The following MTTP variants were observed in gnomAD, a reference collection of about 807,000 sequenced individuals.
MTTP encodes microsomal triglyceride transfer protein large subunit.
MTTP carries 49 observed loss-of-function variants against 90.6 expected under a neutral mutation model. That is an observed-to-expected ratio of 0.54 (90% confidence interval 0.43 to 0.69). The LOEUF is 0.69. Ranked by LOEUF, MTTP falls within the 30% of genes least tolerant of loss-of-function variation. MTTP has a pLI of 0.00. For synonymous variants in MTTP, 347 were observed against 384.2 expected (o/e 0.90, Z 1.13); for missense variants, 945 against 1,067.5 (o/e 0.89, Z 1.60).
intron 15 of MTTP, among the ~76,000 whole-genome samples, chr4:99,616,153 G>C (rs1726094282): frequency 1.3e-5 from 2 of 152,132 alleles, no homozygotes; most frequent in Non-Finnish European, 2.9e-5. Flanking sequence ...CAGCACTTTG[G>C]GTGGCCAAGG....
chr4:99,619,441 G>A (rs1726178197), intron 16 of MTTP, among the ~76,000 whole-genome samples: 1 of 151,988 alleles, frequency 6.6e-6, no homozygotes, highest in East Asian at 1.9e-4. Context: ...TGTCTTCAGT[G>A]GGGAAAAATA....
At chr4:99,572,426 T>C (rs907966187), upstream of MTTP, among the ~76,000 whole-genome samples, 9 of 151,982 alleles carry the variant, frequency 5.9e-5, no homozygotes, top group African/African-American at 2.2e-4. Context: ...AATCAATTTT[T>C]TTCTCACTCC....
At chr4:99,586,036 AT>A (rs1370928126) in intron 3 of MTTP, among the ~76,000 whole-genome samples, 2 of 152,134 alleles carry the variant, frequency 1.3e-5, no homozygotes, top group Non-Finnish European at 2.9e-5. Context: ...ACAGGCTCAA[AT>A]TAAGTTGTGC....
In MTTP at chr4:99,606,793, G is replaced by T. The variant is rs750641244; in HGVS notation, c.1390G>T (p.Ala464Ser). 1 of 1,613,826 alleles carries T rather than the reference G, an allele frequency of 6.2e-7. No homozygotes were observed. The highest frequency in any genetic ancestry group is 1.3e-5 in the African/African-American group (1 of 74,860). ...GTTAATCCTGGGAGGACTTGAAAAA[G>T]CAGAGAAAAAAGAGGACACCAGGAT... ...KKLILGGLEK[A>S]EKKEDTRMYL... The change falls in exon 11 of 18, where the codon GCA (alanine) becomes TCA (serine). Residue 464 changes from alanine (A) to serine (S), a missense_variant. Transcript: ENST00000265517.
intron 7 of MTTP, among the ~76,000 whole-genome samples, chr4:99,596,607 C>A (rs988311667): frequency 6.6e-6 from 1 of 152,034 alleles, no homozygotes; most frequent in Admixed American, 6.6e-5. Flanking sequence ...AGGGAGCTCA[C>A]CGAAAAATTG....
upstream of MTTP, among the ~76,000 whole-genome samples, chr4:99,569,943 G>T (rs1440147259): frequency 6.6e-6 from 1 of 151,584 alleles, no homozygotes; most frequent in African/African-American, 2.4e-5. Flanking sequence ...ATAATTTATT[G>T]AACTATTTTT....
At chr4:99,586,624 C>T (rs897051837) in intron 3 of MTTP, among the ~76,000 whole-genome samples, 3 of 152,056 alleles carry the variant, frequency 2.0e-5, no homozygotes, top group African/African-American at 7.2e-5. Context: ...CCTAGCCATG[C>T]TCTGTCTTAG....
intron 10 of MTTP, among the ~76,000 whole-genome samples, chr4:99,602,784 G>T (rs1258425577): frequency 5.9e-5 from 9 of 151,806 alleles, no homozygotes; most frequent in African/African-American, 2.2e-4. Flanking sequence ...AAATATCTTG[G>T]CAAAAGATAA....
Position 99,613,118 on chromosome 4 carries a change from T to C in MTTP, c.2195T>C (p.Ile732Thr), listed in dbSNP as rs767606327. 5.6e-5 allele frequency: 91 copies of C among 1,613,818 alleles called. No individual in the cohort carries two copies. Among genetic ancestry groups the C allele is most frequent in the Non-Finnish European group, 7.6e-5 (90 of 1,179,760 alleles). Residue 732 changes from isoleucine (I) to threonine (T), a missense_variant, in exon 15 of 18, where the codon ATT (isoleucine) becomes ACT (threonine). Ile to Thr is a moderately conservative substitution (Grantham distance 89). Coordinates refer to ENST00000265517, the MANE Select transcript of MTTP (RefSeq NM_001386140.1). ...CCTATCAGTGTGGTGAAAGGACTTA[T>C]TCTGCTAATAGATCATTCTCAGGTA... ...GDPISVVKGLILLIDHSQELQ... is the reference protein window; with the variant it reads ...GDPISVVKGLTLLIDHSQELQ...
chr4:99,591,899 C>A, intron 6 of MTTP, 109 bp downstream of exon 6: 1 of 978,266 alleles, frequency 1.0e-6, no homozygotes, highest in Non-Finnish European at 1.5e-6. Context: ...CGCGTGTAGT[C>A]ATGCATTGCT....
At chr4:99,565,806 TGAA>T (rs1000595179) in intron 1 of MTTP, among the ~76,000 whole-genome samples, 1 of 152,060 alleles carries the variant, frequency 6.6e-6, no homozygotes, top group Admixed American at 6.6e-5. Flanking sequence ...GTCAGAAAAG[TGAA>T]GAAGTTTAAG....
At chr4:99,570,773 GT>G (rs772809240), upstream of MTTP, 31 of 455,724 alleles carry the variant, frequency 6.8e-5, no homozygotes, top group South Asian at 4.8e-4. Flanking sequence ...GTGATATGAA[GT>G]AAAAAGGATT....
At chr4:99,598,330 CCACTCT>C (rs1218564532) in intron 8 of MTTP, among the ~76,000 whole-genome samples, 1 of 151,968 alleles carries the variant, frequency 6.6e-6, no homozygotes, top group African/African-American at 2.4e-5. Context: ...AAAAATTTTA[CCACTCT>C]CAAAGTACAT....
chr4:99,581,841 C>A, intron 1 of MTTP, 64 bp from the exon 2 acceptor site: 1 of 1,539,386 alleles, frequency 6.5e-7, no homozygotes, highest in Non-Finnish European at 9.0e-7. Flanking sequence ...GAGAGATGCA[C>A]TGATGGTGAG....
Position 99,608,943 on chromosome 4 carries a change from G to T in MTTP, c.1735G>T (p.Val579Phe). 1 of 1,614,134 alleles carries T rather than the reference G, an allele frequency of 6.2e-7. No individual in the cohort carries two copies. The highest frequency in any genetic ancestry group is 8.5e-7 in the Non-Finnish European group (1 of 1,180,000). The change falls in exon 12 of 18, where the codon GTT becomes TTT. Residue 579 changes from valine (V) to phenylalanine (F), a missense_variant. Transcript: ENST00000265517. Reference sequence around the variant, plus strand: ...AATGAATAAATACATGCTCGCCATTGTTCAAGACATCCTACGTTTTGAAAT... The same window carrying T: ...AATGAATAAATACATGCTCGCCATTTTTCAAGACATCCTACGTTTTGAAAT... ...QEMNKYMLAIVQDILRFEMPA... is the reference protein window; with the variant it reads ...QEMNKYMLAIFQDILRFEMPA...
chr4:99,579,472 T>A (rs1725045170), intron 1 of MTTP, among the ~76,000 whole-genome samples: 1 of 152,126 alleles, frequency 6.6e-6, no homozygotes, highest in Admixed American at 6.5e-5. Context: ...GGGTAGGAGT[T>A]GGGGGAGGGG....
chr4:99,566,281 T>TC (rs1724695013), intron 1 of MTTP, among the ~76,000 whole-genome samples: 1 of 120,840 alleles, frequency 8.3e-6, no homozygotes, highest in Admixed American at 9.6e-5. Context: ...AGAGTGATAC[T>TC]CCGTCTCAAA....
chr4:99,577,359 G>A (rs1218829449), intron 1 of MTTP, among the ~76,000 whole-genome samples: 4 of 151,858 alleles, frequency 2.6e-5, no homozygotes, highest in South Asian at 2.1e-4. Context: ...TAATCCCAGC[G>A]CTTTGGGAGG....
chr4:99,564,544 G>GAGCTATATTTCCCATC, intron 1 of MTTP: 1 of 281,654 alleles, frequency 3.6e-6, no homozygotes, highest in South Asian at 5.1e-5. Context: ...TTTTTCCTAT[G>GAGCTATATTTCCCATC]CTGTTTTGCA....
Sources: allele counts gnomAD v4.1 joint callset (sites outside exome capture counted in the v4.1 genomes callset), GRCh38; gene constraint gnomAD v4.1.1; transcripts MANE v1.5; gene names NCBI Gene and HGNC (gene_info 2026-07-23, HGNC 2026-07-21).